Variants in GNB1 observed in about 807,000 individuals in gnomAD.
The protein encoded by GNB1 is G protein subunit beta 1.
GNB1 carries 2 observed loss-of-function variants against 42.9 expected under a neutral mutation model. The ratio of observed to expected loss-of-function variants is 0.05; its 90% CI spans 0.02 to 0.15. The LOEUF is 0.15. GNB1 is among the 10% of genes least tolerant of loss of function. The pLI, the probability that GNB1 is intolerant of heterozygous loss-of-function variation, is 1.00. For synonymous variants in GNB1, 183 were observed against 174.7 expected, an observed-to-expected ratio of 1.05 and a Z score of -0.38; for missense variants, 193 against 462.2, an observed-to-expected ratio of 0.42 and a Z score of 5.34.
At chr1:1,792,243 C>T (rs913845207) in intron 8 of GNB1, among the ~76,000 whole-genome samples, 15 of 152,114 alleles carry the variant, frequency 9.9e-5, no homozygotes, top group African/African-American at 3.6e-4. Flanking sequence ...ATTGTGACGT[C>T]TGTTATTTTT....
chr1:1,842,775 G>A (rs943058409), intron 1 of GNB1, among the ~76,000 whole-genome samples: 1 of 152,194 alleles, frequency 6.6e-6, no homozygotes, highest in South Asian at 2.1e-4. Context: ...CTTTAAAATG[G>A]TTTATGTTAT....
intron 1 of GNB1, among the ~76,000 whole-genome samples, chr1:1,889,641 C>T (rs1003613129): frequency 9.7e-6 from 1 of 102,572 alleles, no homozygotes. Flanking sequence ...ATCTCTTTTA[C>T]AAAGAGATCC....
chr1:1,873,927 G>T, intron 1 of GNB1, among the ~76,000 whole-genome samples: 1 of 152,276 alleles, frequency 6.6e-6, no homozygotes, highest in South Asian at 2.1e-4. Context: ...GGCAGGCAGC[G>T]TGGGGACTAA....
At chr1:1,852,341 G>A (rs1411024117) in intron 1 of GNB1, among the ~76,000 whole-genome samples, 2 of 152,094 alleles carry the variant, frequency 1.3e-5, no homozygotes, top group Admixed American at 1.3e-4. Flanking sequence ...CCATTCTCCT[G>A]CCTCAGCCTC....
chr1:1,856,581 C>T (rs1460473424), intron 1 of GNB1, among the ~76,000 whole-genome samples: 4 of 152,276 alleles, frequency 2.6e-5, no homozygotes, highest in South Asian at 2.1e-4. Context: ...GCACGCGCTA[C>T]GACGCCCAGC....
At chr1:1,822,390 G>A (rs1363188562) in intron 3 of GNB1, among the ~76,000 whole-genome samples, 3 of 147,174 alleles carry the variant, frequency 2.0e-5, no homozygotes, top group East Asian at 2.1e-4. Flanking sequence ...TGCAAGCTCC[G>A]CCTCCCAGGT....
At chr1:1,890,687 GC>G (rs1324485787) in intron 1 of GNB1, 132 bp downstream of exon 1, 2 of 147,186 alleles carry the variant, frequency 1.4e-5, no homozygotes, top group African/African-American at 4.9e-5. Context: ...TTCGGACGCC[GC>G]CCGCCGCACC....
rs16824508 is a variant in GNB1, at chr1:1,867,752, G to A, written c.-96+23068C>T. Among the ~76,000 whole-genome samples, 423 of 152,172 alleles carry A rather than the reference G, an allele frequency of 2.8e-3. 4 individuals carry two copies. Among genetic ancestry groups the A allele is most frequent in the African/African-American group, 9.2e-3 (382 of 41,504 alleles). On this transcript the variant is annotated intron_variant, in intron 1 of 11. Coordinates refer to ENST00000378609, the MANE Select transcript of GNB1 (RefSeq NM_002074.5). ...GCATCTTTTGCTGTAGATATGTTCC[G>A]AATGCTTAAGCAGATATCTTTTCAT...
chr1:1,797,066 G>A (rs1044184812), intron 7 of GNB1, among the ~76,000 whole-genome samples: 1 of 152,196 alleles, frequency 6.6e-6, no homozygotes, highest in Non-Finnish European at 1.5e-5. Context: ...ACCCAGCATG[G>A]CTGCCGACCC....
At chr1:1,886,082 C>A (rs938947219) in intron 1 of GNB1, among the ~76,000 whole-genome samples, 9 of 151,788 alleles carry the variant, frequency 5.9e-5, no homozygotes, top group African/African-American at 2.2e-4. Flanking sequence ...GAGGCTCAGA[C>A]AGGCAGATCA....
At chr1:1,861,236 T>C (rs1033998372) in intron 1 of GNB1, among the ~76,000 whole-genome samples, 2 of 151,934 alleles carry the variant, frequency 1.3e-5, no homozygotes, top group African/African-American at 4.8e-5. Context: ...GCAGGGAGAC[T>C]GTTAGAAGCC....
intron 1 of GNB1, among the ~76,000 whole-genome samples, chr1:1,861,107 T>TCA (rs1648599789): frequency 2.2e-5 from 1 of 45,590 alleles, no homozygotes; most frequent in South Asian, 6.0e-4. Context: ...AGACTCTGTC[T>TCA]CACAAAAAAA....
intron 2 of GNB1, among the ~76,000 whole-genome samples, chr1:1,831,510 G>A (rs535764431): frequency 1.3e-5 from 2 of 151,950 alleles, no homozygotes; most frequent in Non-Finnish European, 1.5e-5. Flanking sequence ...GTGCAATGGC[G>A]CGATCTCGGC....
chr1:1,869,285 T>C (rs905382765), intron 1 of GNB1, among the ~76,000 whole-genome samples: 1 of 152,138 alleles, frequency 6.6e-6, no homozygotes, highest in African/African-American at 2.4e-5. Context: ...CTCCTTTATG[T>C]TGTTATCTGA....
chr1:1,798,635 T>C (rs1646579419), intron 7 of GNB1, among the ~76,000 whole-genome samples: 1 of 152,206 alleles, frequency 6.6e-6, no homozygotes, highest in Non-Finnish European at 1.5e-5. Context: ...AGAGCAAGCG[T>C]TGAGTCTCCC....
chr1:1,785,569 G>A lies in GNB1; in HGVS notation c.*1494C>T, dbSNP rs1315575421. 6.0e-6 allele frequency: 1 copy of A among 166,752 alleles called. No individual in the cohort carries two copies. Among genetic ancestry groups the A allele is most frequent in the Non-Finnish European group, 1.3e-5 (1 of 78,220 alleles). The allele number at this position is 166,752 out of a possible 1,614,324, so 10.3% of individuals were successfully genotyped here. The stretch of plus-strand genomic sequence containing the variant: ...ATGGAGAAGCCACTACTGCTGCTAT[G>A]AAGGAGTGCGGGGGGCGGGGCGGGG... On this transcript the variant is annotated 3_prime_UTR_variant, in exon 12 of 12. Transcript: ENST00000378609.
intron 1 of GNB1, among the ~76,000 whole-genome samples, chr1:1,860,888 G>A (rs1189476779): frequency 1.3e-5 from 2 of 151,826 alleles, no homozygotes; most frequent in African/African-American, 2.4e-5. Flanking sequence ...CGGACAGATC[G>A]CTTGAGGTCA....
chr1:1,833,961 A>G (rs1157361765), intron 2 of GNB1, among the ~76,000 whole-genome samples: 1 of 152,160 alleles, frequency 6.6e-6, no homozygotes, highest in Non-Finnish European at 1.5e-5. Flanking sequence ...GTACTACACA[A>G]TGGCCTGGGA....
chr1:1,867,584 G>A (rs1318644513), intron 1 of GNB1, among the ~76,000 whole-genome samples: 2 of 151,882 alleles, frequency 1.3e-5, no homozygotes, highest in Admixed American at 6.6e-5. Context: ...TCTTCCTTTG[G>A]ATAAATTTCT....
Sources: allele counts gnomAD v4.1 joint callset (sites outside exome capture counted in the v4.1 genomes callset), GRCh38; gene constraint gnomAD v4.1.1; transcripts MANE v1.5; gene names NCBI Gene and HGNC (gene_info 2026-07-23, HGNC 2026-07-21).